PTPRT: variants seen among roughly 807,000 people sequenced by gnomAD.
PTPRT encodes receptor-type tyrosine-protein phosphatase T.
PTPRT carries 56 observed loss-of-function variants against 176.8 expected under a neutral mutation model. The observed-to-expected ratio is 0.32, with a 90% CI of 0.26 to 0.40. The LOEUF is 0.40. Ranked by LOEUF, PTPRT falls within the 10% of genes least tolerant of loss-of-function variation. The pLI is 1.00. For synonymous variants in PTPRT, 783 were observed against 739.0 expected, an observed-to-expected ratio of 1.06 and a Z score of -0.96; for missense variants, 1,540 against 1,908.2, an observed-to-expected ratio of 0.81 and a Z score of 3.60.
intron 7 of PTPRT, among the ~76,000 whole-genome samples, chr20:42,562,160 T>C (rs2072962981): frequency 6.6e-6 from 1 of 152,346 alleles, no homozygotes; most frequent in East Asian, 1.9e-4. Context: ...ATCTTAAGTG[T>C]ACAGCCTAAT....
chr20:42,621,143 T>C (rs1488429560), intron 7 of PTPRT, among the ~76,000 whole-genome samples: 2 of 152,086 alleles, frequency 1.3e-5, no homozygotes, highest in African/African-American at 2.4e-5. Flanking sequence ...AGCCAAACCA[T>C]ATCACCTGCC....
chr20:43,080,859 G>C (rs768017439), intron 1 of PTPRT, among the ~76,000 whole-genome samples: 3 of 152,188 alleles, frequency 2.0e-5, no homozygotes, highest in Admixed American at 6.5e-5. Context: ...AGGGAGCCTG[G>C]GTCCTTCAGT....
rs1012481325 is a variant in PTPRT, at chr20:42,298,394, G to T, written c.2140-15869C>A. 2.6e-5 allele frequency among the ~76,000 whole-genome samples: 4 copies of T among 152,168 alleles called. No individual in the cohort carries two copies. In the South Asian group the frequency reaches 8.3e-4, roughly 32 times the overall value. On this transcript the variant is annotated intron_variant, in intron 12 of 30. Coordinates refer to ENST00000373187, the MANE Select transcript of PTPRT (RefSeq NM_007050.6). Reference sequence around the variant, plus strand: ...ACAGTCATACATTGCTGGGACAAATGCAAGTTGGTTTTACCCTTAAGGAAG... The same window carrying T: ...ACAGTCATACATTGCTGGGACAAATTCAAGTTGGTTTTACCCTTAAGGAAG...
At chr20:42,422,657 A>G (rs1188227193) in intron 9 of PTPRT, among the ~76,000 whole-genome samples, 1 of 152,218 alleles carries the variant, frequency 6.6e-6, no homozygotes, top group Admixed American at 6.5e-5. Flanking sequence ...TCAAAGACCT[A>G]AAGACAGAAA....
At chr20:42,546,751 G>A (rs1268662038) in intron 7 of PTPRT, among the ~76,000 whole-genome samples, 1 of 151,858 alleles carries the variant, frequency 6.6e-6, no homozygotes, top group Non-Finnish European at 1.5e-5. Flanking sequence ...ATATTTTTTT[G>A]TTTCGGGGAA....
chr20:43,169,564 A>G (rs2014944103), intron 1 of PTPRT, among the ~76,000 whole-genome samples: 1 of 152,194 alleles, frequency 6.6e-6, no homozygotes, highest in Non-Finnish European at 1.5e-5. Context: ...TTCAATTCGA[A>G]TTTCTCAAGT....
intron 8 of PTPRT, among the ~76,000 whole-genome samples, chr20:42,470,141 C>T (rs564447507): frequency 3.9e-5 from 6 of 152,336 alleles, no homozygotes; most frequent in Admixed American, 2.6e-4. Flanking sequence ...ATGCAGCTGA[C>T]AATGCCAGTG....
chr20:42,590,523 G>A (rs1418020411), intron 7 of PTPRT, among the ~76,000 whole-genome samples: 1 of 151,998 alleles, frequency 6.6e-6, no homozygotes, highest in Non-Finnish European at 1.5e-5. Context: ...ACATAAAAAA[G>A]TAACCAATCA....
In PTPRT at chr20:42,073,965, G is replaced by T. The variant is rs1340792227; in HGVS notation, c.*6914C>A. On this transcript the variant is annotated 3_prime_UTR_variant, in exon 31 of 31. Coordinates refer to ENST00000373187, the MANE Select transcript of PTPRT (RefSeq NM_007050.6). Reference sequence around the variant, plus strand: ...GCTTATCCTCTCTGGCAGACAGCAGGTTCTTCCTTACAGCTATTAAGTTTC... The same window carrying T: ...GCTTATCCTCTCTGGCAGACAGCAGTTTCTTCCTTACAGCTATTAAGTTTC... 2 of 230,384 alleles carry T rather than the reference G, an allele frequency of 8.7e-6. No individual in the cohort carries two copies. The highest frequency in any genetic ancestry group is 1.7e-5 in the Non-Finnish European group (2 of 116,310). The allele number at this position is 230,384 out of a possible 1,614,324, so 14.3% of individuals were successfully genotyped here.
intron 1 of PTPRT, among the ~76,000 whole-genome samples, chr20:42,945,638 C>T (rs1450613882): frequency 1.3e-5 from 2 of 152,238 alleles, no homozygotes; most frequent in African/African-American, 4.8e-5. Flanking sequence ...GGGGTCACTG[C>T]CCCTTGTGCT....
intron 1 of PTPRT, among the ~76,000 whole-genome samples, chr20:42,914,370 G>A (rs1009241181): frequency 2.6e-5 from 4 of 152,110 alleles, no homozygotes; most frequent in South Asian, 4.1e-4. Context: ...CCCAGAAGCC[G>A]GGACCTATTG....
At chr20:42,926,212 T>C (rs775174187) in intron 1 of PTPRT, among the ~76,000 whole-genome samples, 1 of 152,076 alleles carries the variant, frequency 6.6e-6, no homozygotes, top group Non-Finnish European at 1.5e-5. Context: ...TGGTGGGCCC[T>C]CTCTCCCTGA....
intron 1 of PTPRT, among the ~76,000 whole-genome samples, chr20:43,138,779 T>C (rs1056080200): frequency 5.9e-5 from 9 of 152,100 alleles, no homozygotes; most frequent in Admixed American, 1.3e-4. Flanking sequence ...CAGCCACACA[T>C]ACCTGGAAGG....
chr20:42,641,231 A>G (rs2074741300), intron 7 of PTPRT, among the ~76,000 whole-genome samples: 1 of 152,154 alleles, frequency 6.6e-6, no homozygotes, highest in Non-Finnish European at 1.5e-5. Context: ...GACCTTTCAT[A>G]CACATTTCCT....
At chr20:42,092,669 A>G (rs1041391016) in intron 27 of PTPRT, among the ~76,000 whole-genome samples, 17 of 152,306 alleles carry the variant, frequency 1.1e-4, no homozygotes, top group Non-Finnish European at 2.1e-4. Context: ...GGTATTTTGC[A>G]TATTTTGCTG....
At chr20:42,475,611 T>C (rs1023977389) in intron 7 of PTPRT, among the ~76,000 whole-genome samples, 3 of 151,684 alleles carry the variant, frequency 2.0e-5, no homozygotes, top group Non-Finnish European at 4.4e-5. Context: ...TTGAAGACAA[T>C]AGTGAGAGAA....
At chr20:42,636,654 G>A (rs546594575) in intron 7 of PTPRT, among the ~76,000 whole-genome samples, 65 of 151,938 alleles carry the variant, frequency 4.3e-4, no homozygotes, top group Non-Finnish European at 8.4e-4. Flanking sequence ...GCATGGTGAC[G>A]CATGCTTGTA....
intron 1 of PTPRT, among the ~76,000 whole-genome samples, chr20:43,172,017 A>C (rs2146462083): frequency 6.6e-6 from 1 of 152,294 alleles, no homozygotes; most frequent in Non-Finnish European, 1.5e-5. Context: ...GGCTCCATTA[A>C]CACAATTCCC....
At chr20:42,633,469 T>TA (rs1003271961) in intron 7 of PTPRT, among the ~76,000 whole-genome samples, 1 of 151,872 alleles carries the variant, frequency 6.6e-6, no homozygotes, top group African/African-American at 2.4e-5. Flanking sequence ...CACTTCGTTG[T>TA]AAGTTGACAG....
Sources: allele counts gnomAD v4.1 joint callset (sites outside exome capture counted in the v4.1 genomes callset), GRCh38; gene constraint gnomAD v4.1.1; transcripts MANE v1.5; gene names NCBI Gene and HGNC (gene_info 2026-07-23, HGNC 2026-07-21).